Variants in BANP observed in about 807,000 individuals in gnomAD.
BANP encodes BTG3 associated nuclear protein, also known as protein BANP.
BANP carries 11 observed loss-of-function variants against 68.1 expected under a neutral mutation model. The ratio of observed to expected loss-of-function variants is 0.16; its 90% confidence interval spans 0.10 to 0.27. The LOEUF is 0.27. Among genes scored for constraint, BANP ranks in the 10% least tolerant of loss-of-function variants. The pLI, the probability that BANP is intolerant of heterozygous loss-of-function variation, is 1.00. For missense variants in BANP, 504 were observed against 722.7 expected (o/e 0.70, Z 3.47); for synonymous variants, 329 against 303.2 (o/e 1.09, Z -0.88).
chr16:88,014,885 T>C (rs184903431), intron 6 of BANP, among the ~76,000 whole-genome samples: 51 of 152,204 alleles, frequency 3.4e-4, no homozygotes, highest in Non-Finnish European at 5.9e-4. Context: ...TGAGCCTCAG[T>C]GCTGGGAACC....
intron 12 of BANP, among the ~76,000 whole-genome samples, chr16:88,070,557 G>T (rs987177512): frequency 2.0e-5 from 3 of 152,294 alleles, no homozygotes; most frequent in East Asian, 1.9e-4. Flanking sequence ...GCAAGTCGTG[G>T]CTGGCAGGGT....
At chr16:88,074,043 C>T (rs182633933) in intron 13 of BANP, among the ~76,000 whole-genome samples, 111 of 152,346 alleles carry the variant, frequency 7.3e-4, no homozygotes, top group African/African-American at 2.6e-3. Flanking sequence ...CTGCAGGGTG[C>T]GTTAGCTTGT....
chr16:87,999,385 C>A (rs1425778582), intron 4 of BANP, among the ~76,000 whole-genome samples: 1 of 142,192 alleles, frequency 7.0e-6, no homozygotes, highest in Non-Finnish European at 1.5e-5. Context: ...TCCATGCACG[C>A]ACGTGCGCGG....
rs144377130 is a variant in BANP at position 88,046,484 on chromosome 16, G to T, written c.1311+8473G>T. On this transcript the variant is annotated intron_variant, in intron 11 of 13. Transcript: ENST00000682872. ...AGTGATCTTAGGGAGCTGTGAGCTC[G>T]TGCAGTCTTGGGTGGGAGTTGGCAT... Among the ~76,000 whole-genome samples, 503 of 152,250 alleles carry T rather than the reference G, an allele frequency of 3.3e-3. 11 individuals carry two copies. Among genetic ancestry groups the T allele is most frequent in the Admixed American group, 0.028 (421 of 15,296 alleles).
intron 11 of BANP, among the ~76,000 whole-genome samples, chr16:88,049,531 G>A (rs1436417221): frequency 6.6e-6 from 1 of 152,108 alleles, no homozygotes; most frequent in East Asian, 1.9e-4. Flanking sequence ...CCTCTCATGG[G>A]AGGGTCTTAA....
chr16:87,999,071 T>C (rs1196375997), intron 4 of BANP, among the ~76,000 whole-genome samples: 24 of 137,802 alleles, frequency 1.7e-4, no homozygotes, highest in African/African-American at 6.3e-4. Context: ...CACGTCTCCA[T>C]GCACGCACGT....
intron 4 of BANP, among the ~76,000 whole-genome samples, chr16:87,996,223 A>G (rs2067158411): frequency 6.6e-6 from 1 of 152,018 alleles, no homozygotes; most frequent in East Asian, 1.9e-4. Context: ...TCCACATTTG[A>G]CAGCTTTCAT....
At chr16:87,973,310 C>T (rs1423723380) in intron 1 of BANP, among the ~76,000 whole-genome samples, 2 of 151,568 alleles carry the variant, frequency 1.3e-5, no homozygotes, top group Non-Finnish European at 2.9e-5. Context: ...TTCATCTAAT[C>T]TTGTGTAAAG....
chr16:88,056,610 C>G (rs2085104974), intron 11 of BANP, among the ~76,000 whole-genome samples: 1 of 152,176 alleles, frequency 6.6e-6, no homozygotes, highest in South Asian at 2.1e-4. Flanking sequence ...CTGAGATGCT[C>G]CCACTGCTCT....
Position 88,018,237 on chromosome 16 carries a change from C to T in BANP, c.656-191C>T, listed in dbSNP as rs984015710. Among the ~76,000 whole-genome samples the T allele has an allele frequency of 2.6e-5, 4 of 151,988 alleles. No homozygotes were observed. Among genetic ancestry groups the T allele is most frequent in the Non-Finnish European group, 5.9e-5 (4 of 67,982 alleles). On this transcript the variant is annotated intron_variant, in intron 6 of 13. Transcript: ENST00000682872. This position sits in a 1 kb window ranked among gnomAD's most constrained non-coding sequence, Gnocchi z 7.7. ...GGGGGTGGTGGGATCGTGTCTGTTC[C>T]GCGTCAGTTCTTTCTTGGGCAGCAG...
chr16:87,956,647 G>GAGCC (rs1220298917), intron 1 of BANP: 1 of 152,252 alleles, frequency 6.6e-6, no homozygotes, highest in African/African-American at 2.4e-5. Flanking sequence ...CCAGCCTGCA[G>GAGCC]AGCCGCCTGC....
At chr16:87,952,175 C>T (rs919800639) in intron 1 of BANP, 2 of 152,256 alleles carry the variant, frequency 1.3e-5, no homozygotes, top group Admixed American at 1.3e-4. Context: ...TCTTTTTCCC[C>T]CCTAGGATGC....
At chr16:87,988,112 T>G (rs1259151348) in intron 4 of BANP, among the ~76,000 whole-genome samples, 1 of 152,200 alleles carries the variant, frequency 6.6e-6, no homozygotes, top group Non-Finnish European at 1.5e-5. Flanking sequence ...AAAGTATGTT[T>G]AAATTAGAAA....
Position 87,981,996 on chromosome 16 carries a change from G to C in BANP, c.162+869G>C, listed in dbSNP as rs1364859071. The stretch of plus-strand genomic sequence containing the variant: ...TCATATAATTCTTCTACTTACACAG[G>C]GTGTCTATTTGGTAATATTTAATTT... On this transcript the variant is annotated intron_variant, in intron 3 of 13. Transcript: ENST00000682872. Among the ~76,000 whole-genome samples the C allele has an allele frequency of 2.0e-5, 3 of 152,126 alleles. No homozygotes were observed. The East Asian group carries it at 5.8e-4, about 29-fold the overall frequency.
At chr16:87,978,894 C>T (rs1205023138) in intron 2 of BANP, among the ~76,000 whole-genome samples, 1 of 152,380 alleles carries the variant, frequency 6.6e-6, no homozygotes, top group East Asian at 1.9e-4. Context: ...AACTCGGCCC[C>T]AGCTCAGGGC....
intron 9 of BANP, among the ~76,000 whole-genome samples, chr16:88,033,570 G>A (rs1481783184): frequency 6.6e-6 from 1 of 152,152 alleles, no homozygotes; most frequent in African/African-American, 2.4e-5. Flanking sequence ...CCCAGCTCGT[G>A]CTCCTGGGAA....
intron 11 of BANP, among the ~76,000 whole-genome samples, chr16:88,062,865 C>A (rs964790081): frequency 2.0e-5 from 3 of 152,224 alleles, no homozygotes; most frequent in Admixed American, 1.3e-4. Context: ...GGGTTCTTTT[C>A]ATCACAGGGC....
chr16:88,053,861 CCTTCACTATCAT>C (rs2084103793), intron 11 of BANP, among the ~76,000 whole-genome samples: 3 of 127,322 alleles, frequency 2.4e-5, no homozygotes, highest in African/African-American at 5.3e-5. Context: ...ACCCCCACCT[CCTTCACTATCAT>C]CACCATCACC....
chr16:88,073,736 G>A (rs1241159779), intron 13 of BANP, among the ~76,000 whole-genome samples: 3 of 152,224 alleles, frequency 2.0e-5, no homozygotes, highest in African/African-American at 7.2e-5. Context: ...TCCGCGCCCA[G>A]GAAACTAGAT....
Sources: allele counts gnomAD v4.1 joint callset (sites outside exome capture counted in the v4.1 genomes callset), GRCh38; gene constraint gnomAD v4.1.1; non-coding constraint Gnocchi (gnomAD v3.1); transcripts MANE v1.5; gene names NCBI Gene and HGNC (gene_info 2026-07-23, HGNC 2026-07-21).